The following DLG2 variants were observed in gnomAD, a reference collection of about 807,000 sequenced individuals.
DLG2 encodes the protein discs large MAGUK scaffold protein 2.
Under a neutral mutation model 132.5 loss-of-function variants are expected in DLG2, and 45 were observed. That is an observed-to-expected ratio of 0.34 (90% CI 0.27 to 0.44). The LOEUF (loss-of-function observed/expected upper bound fraction) is 0.44. Ranked by LOEUF, DLG2 falls within the 20% of genes least tolerant of loss-of-function variation. DLG2 has a pLI of 1.00. For missense variants in DLG2, 1,045 were observed against 1,196.9 expected (o/e 0.87, Z 1.87); for synonymous variants, 424 against 419.6 (o/e 1.01, Z -0.13).
intron 6 of DLG2, among the ~76,000 whole-genome samples, chr11:84,840,629 G>A (rs1268427738): frequency 6.6e-6 from 1 of 152,060 alleles, no homozygotes; most frequent in Non-Finnish European, 1.5e-5. Flanking sequence ...AAGAAAATGT[G>A]GCACATATAC....
At chr11:83,956,571 A>G (rs1489590965) in intron 14 of DLG2, among the ~76,000 whole-genome samples, 1 of 152,180 alleles carries the variant, frequency 6.6e-6, no homozygotes, top group Non-Finnish European at 1.5e-5. Context: ...CCCTCCCACA[A>G]GGGGTTGAGC....
At chr11:83,961,925 G>C (rs1053689367) in intron 14 of DLG2, among the ~76,000 whole-genome samples, 1 of 152,032 alleles carries the variant, frequency 6.6e-6, no homozygotes, top group African/African-American at 2.4e-5. Context: ...AAGATATAAA[G>C]AGCTACTTCA....
At chr11:84,763,862 T>A (rs2153871029) in intron 6 of DLG2, among the ~76,000 whole-genome samples, 1 of 152,282 alleles carries the variant, frequency 6.6e-6, no homozygotes. Flanking sequence ...ATAATTTACC[T>A]CCTTCAAAAT....
intron 4 of DLG2, among the ~76,000 whole-genome samples, chr11:85,273,325 G>A (rs1377189153): frequency 1.3e-5 from 2 of 152,076 alleles, no homozygotes; most frequent in African/African-American, 2.4e-5. Flanking sequence ...GCAACCTACA[G>A]AATGGGAAGA....
At chr11:83,757,555 G>C (rs1474450060) in intron 18 of DLG2, among the ~76,000 whole-genome samples, 1 of 152,172 alleles carries the variant, frequency 6.6e-6, no homozygotes, top group Non-Finnish European at 1.5e-5. Flanking sequence ...TTAAATAGAG[G>C]CTGAGATGAA....
At chr11:85,092,639 G>A (rs916858109) in intron 6 of DLG2, among the ~76,000 whole-genome samples, 4 of 148,948 alleles carry the variant, frequency 2.7e-5, no homozygotes, top group African/African-American at 1.0e-4. Flanking sequence ...TTGAGTACAC[G>A]TGACTTTTTT....
intron 6 of DLG2, among the ~76,000 whole-genome samples, chr11:84,932,474 T>C (rs1302459654): frequency 1.3e-5 from 2 of 152,094 alleles, no homozygotes; most frequent in East Asian, 3.9e-4. Context: ...TGGTGGTTTT[T>C]TGTACCTATT....
chr11:85,249,042 T>C (rs543448054), intron 4 of DLG2, among the ~76,000 whole-genome samples: 1 of 152,224 alleles, frequency 6.6e-6, no homozygotes, highest in Admixed American at 6.5e-5. Flanking sequence ...TTAAAGAGTG[T>C]AGCCACTATA....
intron 8 of DLG2, among the ~76,000 whole-genome samples, chr11:84,243,829 T>C (rs7116830): frequency 0.031 from 4,670 of 152,332 alleles, 201 homozygotes; most frequent in African/African-American, 0.1. Context: ...TATTTTATCA[T>C]AGATACACCC....
intron 3 of DLG2, among the ~76,000 whole-genome samples, chr11:85,346,195 T>A (rs550650924): frequency 6.6e-6 from 1 of 151,998 alleles, no homozygotes; most frequent in South Asian, 2.1e-4. Context: ...TTTCTTTTTT[T>A]TTTTTTCTTT....
At chr11:84,594,603 T>C (rs2099551906) in intron 6 of DLG2, among the ~76,000 whole-genome samples, 1 of 152,194 alleles carries the variant, frequency 6.6e-6, no homozygotes, top group Admixed American at 6.5e-5. Context: ...TGGTAGAACA[T>C]GAGGCTGGAA....
At chr11:83,900,273 T>A (rs1249334362) in intron 15 of DLG2, among the ~76,000 whole-genome samples, 2 of 152,090 alleles carry the variant, frequency 1.3e-5, no homozygotes, top group Admixed American at 1.3e-4. Flanking sequence ...GAAAATAAAA[T>A]CCCATTTTCT....
chr11:84,101,514 G>C (rs1262181864), intron 9 of DLG2, among the ~76,000 whole-genome samples: 1 of 151,518 alleles, frequency 6.6e-6, no homozygotes. Context: ...TGCCTTCATG[G>C]ATATTCAAAG....
At chr11:85,592,808 C>T (rs566164083) in intron 3 of DLG2, among the ~76,000 whole-genome samples, 3 of 151,964 alleles carry the variant, frequency 2.0e-5, no homozygotes, top group South Asian at 4.2e-4. Flanking sequence ...CAAAAATTAG[C>T]CAGGCATGAC....
chr11:84,317,188 G>A (rs763578948), intron 7 of DLG2: 1 of 1,562,316 alleles, frequency 6.4e-7, no homozygotes. Context: ...GCTCTGCACA[G>A]AAATGTCTCC....
At chr11:83,519,893 C>T (rs2095420076) in intron 21 of DLG2, among the ~76,000 whole-genome samples, 1 of 152,180 alleles carries the variant, frequency 6.6e-6, no homozygotes, top group South Asian at 2.1e-4. Context: ...CTCCACTTCA[C>T]CTAGAGCCAT....
chr11:84,237,135 G>T (rs982282441), intron 8 of DLG2, among the ~76,000 whole-genome samples: 5 of 152,012 alleles, frequency 3.3e-5, no homozygotes, highest in African/African-American at 1.2e-4. Context: ...TCACTGTGTT[G>T]TCCACGATGG....
In DLG2 at chr11:84,293,291, T is replaced by C. The variant is rs372434473; in HGVS notation, c.520-42000A>G. 6.6e-4 allele frequency among the ~76,000 whole-genome samples: 100 copies of C among 152,298 alleles called. 1 individual carries two copies. The South Asian group carries it at 0.013, about 20-fold the overall frequency. ...AGATCTCTGCAAGTAGATTTAGTCA[T>C]TGATTCATTTTTTATCTCAACTTTT... On this transcript the variant is annotated intron_variant, in intron 7 of 27. Coordinates refer to ENST00000376104, the MANE Select transcript of DLG2 (RefSeq NM_001142699.3).
chr11:84,664,773 A>G (rs771161486), intron 6 of DLG2, among the ~76,000 whole-genome samples: 13 of 152,204 alleles, frequency 8.5e-5, no homozygotes, highest in Middle Eastern at 3.4e-3. Flanking sequence ...TCCTTTCCTT[A>G]CCAGCACCCT....
Sources: gnomAD v4.1 joint callset for allele counts (sites outside exome capture counted in the v4.1 genomes callset) on GRCh38, gnomAD v4.1.1 for gene constraint, MANE v1.5 for transcripts, NCBI Gene and HGNC (gene_info 2026-07-23, HGNC 2026-07-21) for gene names.